Variants in FNDC3A observed in about 807,000 individuals in gnomAD.
The protein encoded by FNDC3A is fibronectin type-III domain-containing protein 3A.
FNDC3A carries 32 observed loss-of-function variants against 148.9 expected under a neutral mutation model. The observed-to-expected ratio is 0.21, with a 90% CI of 0.16 to 0.29. The LOEUF (loss-of-function observed/expected upper bound fraction) is 0.29. FNDC3A is among the 10% of genes least tolerant of loss of function. FNDC3A has a pLI of 1.00. For synonymous variants in FNDC3A, 472 were observed against 473.6 expected (o/e 1.00, Z 0.04); for missense variants, 1,191 against 1,452.8 (o/e 0.82, Z 2.93).
chr13:49,081,032 A>C (rs1175992419), intron 3 of FNDC3A, among the ~76,000 whole-genome samples: 1 of 152,200 alleles, frequency 6.6e-6, no homozygotes, highest in African/African-American at 2.4e-5. Context: ...AGGTGAGTGA[A>C]GAAGAGAAAA....
chr13:49,134,530 A>G (rs1349502802), intron 5 of FNDC3A, among the ~76,000 whole-genome samples: 1 of 151,908 alleles, frequency 6.6e-6, no homozygotes, highest in Non-Finnish European at 1.5e-5. Context: ...ACATATTTTC[A>G]TTTCTTCCGG....
At chr13:49,098,142 T>C (rs939896853) in intron 3 of FNDC3A, among the ~76,000 whole-genome samples, 1 of 152,080 alleles carries the variant, frequency 6.6e-6, no homozygotes, top group Non-Finnish European at 1.5e-5. Context: ...TTCTGTTGTA[T>C]GGGCAATCTA....
In FNDC3A at chr13:49,207,254, C is replaced by T; in HGVS notation, c.3456C>T (p.Ala1152=). 1 of 1,614,204 alleles carries T rather than the reference C, an allele frequency of 6.2e-7. No individual in the cohort carries two copies. The highest frequency in any genetic ancestry group is 1.1e-5 in the South Asian group (1 of 91,084). Residue 1152 remains alanine (A), a synonymous_variant, in exon 26 of 26, where the codon GCC becomes GCT. Transcript: ENST00000492622. ...LFISQRTEPP[A]STNRDTVEST... ...TCTCTCAGAGGACTGAACCACCAGC[C>T]AGCACCAACAGAGACACTGTGGAAA...
Position 49,146,043 on chromosome 13 carries a change from A to G in FNDC3A, c.977+108A>G, listed in dbSNP as rs1593657147. On this transcript the variant is annotated intron_variant, in intron 8 of 25. Transcript: ENST00000492622. Reference sequence around the variant, plus strand: ...TTTCCTTCTTCACGCTTTTATTCTGAATCTTTAAGTTGGCTAATGATAGTG... The same window carrying G: ...TTTCCTTCTTCACGCTTTTATTCTGGATCTTTAAGTTGGCTAATGATAGTG... The G allele has an allele frequency of 1.5e-5, 11 of 752,832 alleles. No homozygotes were observed. The East Asian group carries it at 3.1e-4, about 21-fold the overall frequency. 46.6% of individuals were successfully genotyped at this position (752,832 alleles called of 1,614,324 possible).
At chr13:49,019,283 G>T (rs149987810) in intron 2 of FNDC3A, among the ~76,000 whole-genome samples, 4 of 152,254 alleles carry the variant, frequency 2.6e-5, no homozygotes, top group Non-Finnish European at 5.9e-5. Flanking sequence ...CTCTGAGCTA[G>T]GTGCGGGATA....
At chr13:49,146,155 G>T in intron 8 of FNDC3A, 1 of 457,194 alleles carries the variant, frequency 2.2e-6, no homozygotes, top group Non-Finnish European at 3.9e-6. Context: ...GCCACATTCA[G>T]CTTTTTTTTT....
intron 2 of FNDC3A, among the ~76,000 whole-genome samples, chr13:49,006,763 G>A (rs1375362507): frequency 6.6e-6 from 1 of 151,848 alleles, no homozygotes; most frequent in Non-Finnish European, 1.5e-5. Flanking sequence ...AAATGTTGTG[G>A]TTGCACTGAT....
intron 4 of FNDC3A, among the ~76,000 whole-genome samples, chr13:49,125,943 T>C (rs759756357): frequency 1.6e-4 from 24 of 152,212 alleles, no homozygotes; most frequent in Admixed American, 2.6e-4. Context: ...CTCATTTAAT[T>C]ATATTTTATT....
At position 49,190,437 on chromosome 13, in the gene FNDC3A, A is replaced by G. The variant is rs140397842; in HGVS notation, c.1945-578A>G. Among the ~76,000 whole-genome samples, 26 of 152,282 alleles carry G rather than the reference A, an allele frequency of 1.7e-4. No individual in the cohort carries two copies. In the East Asian group the frequency reaches 4.6e-3, roughly 27 times the overall value. ...ACTCTGGACGTGGGAGGATTGCTTG[A>G]GCCTAAGAATTTGAGGCTGTAATCA... On this transcript the variant is annotated intron_variant, in intron 17 of 25. Transcript: ENST00000492622.
At chr13:48,983,700 T>G (rs1024085133) in intron 1 of FNDC3A, among the ~76,000 whole-genome samples, 1 of 152,206 alleles carries the variant, frequency 6.6e-6, no homozygotes, top group African/African-American at 2.4e-5. Context: ...CTTTCTGTAT[T>G]CTGGGTGCTA....
intron 1 of FNDC3A, among the ~76,000 whole-genome samples, chr13:48,978,315 G>A (rs1951638953): frequency 6.6e-6 from 1 of 152,066 alleles, no homozygotes; most frequent in Admixed American, 6.5e-5. Context: ...AAAAAAAGAG[G>A]GAATGCATGA....
intron 8 of FNDC3A, among the ~76,000 whole-genome samples, chr13:49,160,584 A>T (rs1884037775): frequency 6.6e-6 from 1 of 151,252 alleles, no homozygotes; most frequent in Non-Finnish European, 1.5e-5. Flanking sequence ...TGGATTCATT[A>T]ATTTTTTGAA....
At chr13:49,133,228 C>G (rs774652776) in intron 5 of FNDC3A, among the ~76,000 whole-genome samples, 1 of 152,020 alleles carries the variant, frequency 6.6e-6, no homozygotes, top group East Asian at 1.9e-4. Flanking sequence ...CTTTTGAGTA[C>G]CAAAAGTTTA....
Position 49,203,206 on chromosome 13 carries a change from G to A in FNDC3A, c.3204G>A (p.Glu1068=). 1 of 1,602,652 alleles carries A rather than the reference G, an allele frequency of 6.2e-7. No homozygotes were observed. The highest frequency in any genetic ancestry group is 1.1e-5 in the South Asian group (1 of 90,378). The change falls in exon 25 of 26, where the codon GAG becomes GAA. Residue 1068 remains glutamate (E), a synonymous_variant. Coordinates refer to ENST00000492622, the MANE Select transcript of FNDC3A (RefSeq NM_001079673.2). The part of the protein sequence containing the change: ...VNDHICEITW[E]CLQPMKGDPV... ...ATCACATTTGTGAAATTACATGGGAGTGTTTACAGCCAATGAAAGGTGATC... is the reference window on the plus strand; with the variant it reads ...ATCACATTTGTGAAATTACATGGGAATGTTTACAGCCAATGAAAGGTGATC...
chr13:49,195,183 A>G (rs1414193963), intron 19 of FNDC3A, among the ~76,000 whole-genome samples: 1 of 152,228 alleles, frequency 6.6e-6, no homozygotes, highest in African/African-American at 2.4e-5. Flanking sequence ...AGGTTATTTC[A>G]GGAGAGTTGA....
intron 1 of FNDC3A, among the ~76,000 whole-genome samples, chr13:48,989,777 A>G (rs1255726796): frequency 2.0e-5 from 3 of 151,530 alleles, no homozygotes; most frequent in Non-Finnish European, 2.9e-5. Flanking sequence ...TTTTGAGACA[A>G]AGTCTCGCTC....
rs1593698721 is a variant in FNDC3A, at chr13:49,168,980, T to C, written c.1176+229T>C. On this transcript the variant is annotated intron_variant, in intron 10 of 25. Transcript: ENST00000492622. ...TTTGTAATTAACAGTCCTTATTACA[T>C]TGCACATGTGATGACATTGAGATTC... Among the ~76,000 whole-genome samples, 5 of 152,338 alleles carry C rather than the reference T, an allele frequency of 3.3e-5. 1 individual carries two copies. In the South Asian group the frequency reaches 1.0e-3, roughly 32 times the overall value.
intron 8 of FNDC3A, among the ~76,000 whole-genome samples, chr13:49,147,674 A>G (rs886146357): frequency 3.3e-5 from 5 of 152,194 alleles, no homozygotes; most frequent in African/African-American, 7.2e-5. Flanking sequence ...GCTCTTGTCA[A>G]TAGTGCTGCA....
intron 3 of FNDC3A, among the ~76,000 whole-genome samples, chr13:49,097,237 C>T (rs1345983359): frequency 6.6e-6 from 1 of 151,138 alleles, no homozygotes; most frequent in Non-Finnish European, 1.5e-5. Context: ...ACAAATTTCA[C>T]AGACAAGAAG....
Sources: allele counts gnomAD v4.1 joint callset (sites outside exome capture counted in the v4.1 genomes callset), GRCh38; gene constraint gnomAD v4.1.1; transcripts MANE v1.5; gene names NCBI Gene and HGNC (gene_info 2026-07-23, HGNC 2026-07-21).